The following C19orf44 variants were observed in gnomAD, a reference collection of about 807,000 sequenced individuals.
C19orf44 encodes the protein chromosome 19 open reading frame 44, also known as uncharacterized protein C19orf44.
Under a neutral mutation model 50.7 loss-of-function variants are expected in C19orf44, and 43 were observed. The observed-to-expected ratio is 0.85, with a 90% CI of 0.66 to 1.09. The LOEUF (loss-of-function observed/expected upper bound fraction) is 1.09, where lower values mean the gene tolerates loss of function less well. C19orf44 is among the 50% of genes least tolerant of loss of function. The pLI, the probability that C19orf44 is intolerant of heterozygous loss-of-function variation, is 0.00. For missense variants in C19orf44, 722 were observed against 836.2 expected (o/e 0.86, Z 1.68); for synonymous variants, 298 against 334.7 (o/e 0.89, Z 1.20).
Position 16,519,873 on chromosome 19 carries a change from G to C in C19orf44, c.*41-221G>C. On this transcript the variant is annotated intron_variant, in intron 8 of 8. Transcript: ENST00000221671. The surrounding 1 kb of genome is among the most constrained non-coding windows in gnomAD (Gnocchi z 6.0). ...GTCTCTACCCGTTTATCCTGTCTCA[G>C]CTAGATAAGGGGGCTCCAGACGCTG... 1 of 724,666 alleles carries C rather than the reference G, an allele frequency of 1.4e-6. No individual in the cohort carries two copies. Among genetic ancestry groups the C allele is most frequent in the Admixed American group, 2.2e-5 (1 of 44,920 alleles). The allele number at this position is 724,666 out of a possible 1,614,324, so 44.9% of individuals were successfully genotyped here.
intron 2 of C19orf44, among the ~76,000 whole-genome samples, chr19:16,502,009 A>G (rs1292929902): frequency 6.7e-6 from 1 of 150,102 alleles, no homozygotes; most frequent in Non-Finnish European, 1.5e-5. Flanking sequence ...TCCCAGGTTC[A>G]AGTGATTCTC....
chr19:16,517,386 T>G, intron 8 of C19orf44, 45 bp downstream of exon 8: 1 of 1,364,502 alleles, frequency 7.3e-7, no homozygotes, highest in Non-Finnish European at 1.0e-6. Flanking sequence ...CACACAAACA[T>G]AGAGCTCATC....
rs1256501566 is a variant in C19orf44, at chr19:16,520,139, A to G, written c.*86A>G. Reference sequence around the variant, plus strand: ...GAGTTACCAGCGCAGCACTTAAGACAGGATCTTACGGCGGGGTGGGGCTCC... The same window carrying G: ...GAGTTACCAGCGCAGCACTTAAGACGGGATCTTACGGCGGGGTGGGGCTCC... On this transcript the variant is annotated 3_prime_UTR_variant, in exon 9 of 9. Transcript: ENST00000221671. The surrounding 1 kb of genome is among the most constrained non-coding windows in gnomAD (Gnocchi z 4.0). 6.2e-7 allele frequency: 1 copy of G among 1,611,202 alleles called. No homozygotes were observed. Among genetic ancestry groups the G allele is most frequent in the Non-Finnish European group, 8.5e-7 (1 of 1,178,710 alleles).
rs1289016346 is a variant in C19orf44, at chr19:16,520,679, G to C, written c.*626G>C. 1.8e-6 allele frequency: 2 copies of C among 1,129,356 alleles called. No homozygotes were observed. Among genetic ancestry groups the C allele is most frequent in the African/African-American group, 1.5e-5 (1 of 64,966 alleles). The allele number at this position is 1,129,356 out of a possible 1,614,324, so 70.0% of individuals were successfully genotyped here. A position where few individuals can be genotyped will look rare whatever the true frequency, so the allele number is the denominator to read the frequency against. On this transcript the variant is annotated 3_prime_UTR_variant, in exon 9 of 9. Transcript: ENST00000221671. This position sits in a 1 kb window ranked among gnomAD's most constrained non-coding sequence, Gnocchi z 4.0. ...AAATAGTGTGGCCGAGCCTGCTGCT[G>C]TGTGAATTCAGGCCTTGTGGAAAAC...
chr19:16,520,965 G>A lies in C19orf44; in HGVS notation c.*912G>A. ...CCACGTGACACCCACCCACAAGGAA[G>A]TCGTGAAAAAGTCATCAGGAGTTAA... On this transcript the variant is annotated 3_prime_UTR_variant, in exon 9 of 9. Transcript: ENST00000221671. This position sits in a 1 kb window ranked among gnomAD's most constrained non-coding sequence, Gnocchi z 4.0. The A allele has an allele frequency of 6.6e-7, 1 of 1,505,842 alleles. No homozygotes were observed. The highest frequency in any genetic ancestry group is 1.7e-4 in the Middle Eastern group (1 of 5,868). The allele number at this position is 1,505,842 out of a possible 1,614,324, so 93.3% of individuals were successfully genotyped here.
chr19:16,499,454 T>C (rs1161677511), intron 1 of C19orf44: 2 of 151,236 alleles, frequency 1.3e-5, no homozygotes, highest in Non-Finnish European at 3.0e-5. Context: ...GCCCGGCTAA[T>C]TTTTTTGTAT....
chr19:16,508,596 GGCTGGTCTT>G (rs1568495936), intron 4 of C19orf44, among the ~76,000 whole-genome samples: 2 of 152,200 alleles, frequency 1.3e-5, no homozygotes, highest in Admixed American at 6.6e-5. Context: ...GGGTTGTCCA[GGCTGGTCTT>G]GAACTCCCAG....
Position 16,503,376 on chromosome 19 carries a change from C to G in C19orf44, c.1071C>G (p.Leu357=), listed in dbSNP as rs748851278. ...TCTCAGAAGGTGCTGATGACAGCCT[C>G]GACGGTAATCCCAGTCCCGGTGCAA... ...EPVSEGADDS[L]DEFRINILSL... The change falls in exon 3 of 9, where the codon CTC becomes CTG. Residue 357 remains leucine (L), a synonymous_variant. Coordinates refer to ENST00000221671, the MANE Select transcript of C19orf44 (RefSeq NM_032207.4). 3 of 1,607,342 alleles carry G rather than the reference C, an allele frequency of 1.9e-6. No homozygotes were observed. Among genetic ancestry groups the G allele is most frequent in the Non-Finnish European group, 2.6e-6 (3 of 1,175,038 alleles).
rs772569111 is a variant in C19orf44, at chr19:16,500,963, A to G, written c.171A>G (p.Leu57=). 7 of 1,613,692 alleles carry G rather than the reference A, an allele frequency of 4.3e-6. No individual in the cohort carries two copies. Among genetic ancestry groups the G allele is most frequent in the Admixed American group, 1.7e-5 (1 of 59,856 alleles). Reference sequence around the variant, plus strand: ...GATTTCTAAAAAGAAACCAAACTCTAGATGAGAAACACTTACTCCTGAAAG... The same window carrying G: ...GATTTCTAAAAAGAAACCAAACTCTGGATGAGAAACACTTACTCCTGAAAG... ...HSRFLKRNQT[L]DEKHLLLKEN... The change falls in exon 2 of 9, where the codon CTA becomes CTG. Residue 57 remains leucine, a synonymous_variant. Coordinates refer to ENST00000221671, the MANE Select transcript of C19orf44 (RefSeq NM_032207.4).
intron 3 of C19orf44, among the ~76,000 whole-genome samples, chr19:16,505,150 C>G (rs770259979): frequency 6.6e-6 from 1 of 151,942 alleles, no homozygotes; most frequent in Non-Finnish European, 1.5e-5. Context: ...ACCTTGTGAT[C>G]TGTTCTCCTC....
chr19:16,503,417 C>T, intron 3 of C19orf44, 37 bp downstream of exon 3: 1 of 1,575,068 alleles, frequency 6.3e-7, no homozygotes. Context: ...GTACCTTGGG[C>T]AGGAAGGGTG....
At chr19:16,506,384 A>G (rs575908367) in intron 3 of C19orf44, among the ~76,000 whole-genome samples, 29 of 152,258 alleles carry the variant, frequency 1.9e-4, no homozygotes, top group Middle Eastern at 3.4e-3. Context: ...ACTTGAGGCC[A>G]GGAATTCAAG....
chr19:16,515,637 C>G (rs2093469401), intron 7 of C19orf44, among the ~76,000 whole-genome samples: 1 of 151,960 alleles, frequency 6.6e-6, no homozygotes, highest in African/African-American at 2.4e-5. Flanking sequence ...TCAAGCGATT[C>G]TTCTACCTCA....
chr19:16,512,574 G>GT (rs1223313744), intron 5 of C19orf44, among the ~76,000 whole-genome samples: 1 of 151,876 alleles, frequency 6.6e-6, no homozygotes, highest in African/African-American at 2.4e-5. Flanking sequence ...GGGGAAGAGG[G>GT]TAAAAAAAAG....
Position 16,519,799 on chromosome 19 carries a change from C to T in C19orf44, c.*41-295C>T. Reference sequence around the variant, plus strand: ...AGTGATGAGGACCTCACAGCCGCAGCTTGCGTGCATGCTCACTGTCACCAG... The same window carrying T: ...AGTGATGAGGACCTCACAGCCGCAGTTTGCGTGCATGCTCACTGTCACCAG... On this transcript the variant is annotated intron_variant, in intron 8 of 8. Transcript: ENST00000221671. The surrounding 1 kb of genome is among the most constrained non-coding windows in gnomAD (Gnocchi z 6.0). 1 of 1,177,340 alleles carries T rather than the reference C, an allele frequency of 8.5e-7. No homozygotes were observed. Among genetic ancestry groups the T allele is most frequent in the Non-Finnish European group, 1.3e-6 (1 of 784,036 alleles). The allele number at this position is 1,177,340 out of a possible 1,614,324, so 72.9% of individuals were successfully genotyped here.
At chr19:16,518,053 TTGGAAGATTTTGCATCTTATTGAAAAGA>T (rs1003128934) in intron 8 of C19orf44, 1 of 152,126 alleles carries the variant, frequency 6.6e-6, no homozygotes, top group Non-Finnish European at 1.5e-5. Flanking sequence ...GGTTGAAAAG[TTGGAAGATTTTGCATCTTATTGAAAAGA>T]ATTTTTCAAA....
At chr19:16,514,432 G>GT (rs1048337937) in intron 6 of C19orf44, 65 bp from the exon 7 acceptor site, 5 of 1,012,658 alleles carry the variant, frequency 4.9e-6, no homozygotes, top group Middle Eastern at 2.7e-4. Context: ...CCTGAGCGGT[G>GT]GGGGGGGGGC....
At chr19:16,500,646 T>A (rs1476728595) in intron 1 of C19orf44, 146 bp from the exon 2 acceptor site, 2 of 799,828 alleles carry the variant, frequency 2.5e-6, no homozygotes, top group East Asian at 2.6e-5. Flanking sequence ...CCCAGCCTGG[T>A]CATTTTCATT....
At position 16,519,120 on chromosome 19, in the gene C19orf44, G is replaced by C. The variant is rs751715851; in HGVS notation, c.*41-974G>C. The C allele has an allele frequency of 1.9e-6, 3 of 1,580,458 alleles. No homozygotes were observed. In the East Asian group the frequency reaches 6.9e-5, roughly 36 times the overall value. On this transcript the variant is annotated intron_variant, in intron 8 of 8. Coordinates refer to ENST00000221671, the MANE Select transcript of C19orf44 (RefSeq NM_032207.4). This position sits in a 1 kb window ranked among gnomAD's most constrained non-coding sequence, Gnocchi z 6.0. ...AGTCAGCCAGGAAGGTCCCACAGCC[G>C]GCACCGCTGGCCACCGGCGCGGCTC...
Sources: allele counts gnomAD v4.1 joint callset (sites outside exome capture counted in the v4.1 genomes callset), GRCh38; gene constraint gnomAD v4.1.1; non-coding constraint Gnocchi (gnomAD v3.1); transcripts MANE v1.5; gene names NCBI Gene and HGNC (gene_info 2026-07-23, HGNC 2026-07-21).